Variants in FLVCR1 observed in about 807,000 individuals in gnomAD.
FLVCR1 encodes the protein choline/ethanolamine transporter FLVCR1.
Under a neutral mutation model 53.6 loss-of-function variants are expected in FLVCR1, and 34 were observed. The observed-to-expected ratio is 0.63, with a 90% CI of 0.48 to 0.84. The LOEUF is 0.84. Ranked by LOEUF, FLVCR1 falls within the 40% of genes least tolerant of loss-of-function variation. The pLI, the probability that FLVCR1 is intolerant of heterozygous loss-of-function variation, is 0.00. For synonymous variants in FLVCR1, 300 were observed against 286.3 expected (o/e 1.05, Z -0.48); for missense variants, 677 against 696.7 (o/e 0.97, Z 0.32).
In FLVCR1 at chr1:212,874,526, C is replaced by CTT. The variant is rs61497441; in HGVS notation, c.1024+1727_1024+1728dup. Among the ~76,000 whole-genome samples the CTT allele has an allele frequency of 6.2e-4, 75 of 120,866 alleles. 1 individual carries two copies. Among genetic ancestry groups the CTT allele is most frequent in the African/African-American group, 1.6e-3 (51 of 31,456 alleles). 79.3% of individuals were successfully genotyped at this position (120,866 alleles called of 152,430 possible). On this transcript the variant is annotated intron_variant, in intron 3 of 9. Coordinates refer to ENST00000366971, the MANE Select transcript of FLVCR1 (RefSeq NM_014053.4). ...GCCTGTCATTTAATTTTCTTTTTTT[C>CTT]TTTTTTTTTTTTTTTTTTTTGAGAT... is the stretch of plus-strand genomic sequence containing the variant.
intron 1 of FLVCR1, among the ~76,000 whole-genome samples, chr1:212,861,479 G>A (rs1358955692): frequency 1.3e-5 from 2 of 152,168 alleles, no homozygotes; most frequent in South Asian, 4.1e-4. Context: ...AGTCCAGGTG[G>A]TACACCTGTT....
At chr1:212,871,844 G>A (rs4951644) in intron 2 of FLVCR1, among the ~76,000 whole-genome samples, 66,745 of 151,916 alleles carry the variant, frequency 0.44, 15,712 homozygotes, top group East Asian at 0.54. Context: ...AATGGATAGC[G>A]CTAAAACTTA....
rs757381190 is a variant in FLVCR1 at position 212,859,013 on chromosome 1, T to G, written c.561T>G (p.Gly187=). The change falls in exon 1 of 10, where the codon GGT becomes GGG. Residue 187 remains glycine, a synonymous_variant. Coordinates refer to ENST00000366971, the MANE Select transcript of FLVCR1 (RefSeq NM_014053.4). ...TGGGCTCCGGCCTCAACTGCCTGGG[T>G]GCCTGGATCAAGTGCGGCAGTGTGC... ...ALLGSGLNCL[G]AWIKCGSVQQ... is the part of the protein sequence containing the mutation. 3.1e-6 allele frequency: 5 copies of G among 1,612,480 alleles called. No individual in the cohort carries two copies. In the Admixed American group the frequency reaches 6.7e-5, roughly 22 times the overall value.
chr1:212,887,340 A>G (rs1665087270), intron 5 of FLVCR1, among the ~76,000 whole-genome samples: 1 of 152,234 alleles, frequency 6.6e-6, no homozygotes, highest in Non-Finnish European at 1.5e-5. Context: ...GGTAACTGCC[A>G]TTCATTCACC....
At chr1:212,888,798 C>A (rs186006807) in intron 7 of FLVCR1, among the ~76,000 whole-genome samples, 1 of 152,172 alleles carries the variant, frequency 6.6e-6, no homozygotes, top group Non-Finnish European at 1.5e-5. Flanking sequence ...AATCCTCCCC[C>A]CTCTGCCTCC....
chr1:212,858,923 C>T lies in FLVCR1; in HGVS notation c.471C>T (p.Tyr157=), dbSNP rs1395737912. The T allele has an allele frequency of 6.2e-7, 1 of 1,614,232 alleles. No individual in the cohort carries two copies. Among genetic ancestry groups the T allele is most frequent in the Non-Finnish European group, 8.5e-7 (1 of 1,180,042 alleles). ...DWLSMVYMLA[Y]VPLIFPATWL... ...TGTCCATGGTGTACATGCTGGCCTA[C>T]GTGCCCCTCATCTTCCCGGCCACCT... The change falls in exon 1 of 10, where the codon TAC becomes TAT. Residue 157 remains tyrosine (Y), a synonymous_variant. Transcript: ENST00000366971.
rs374820446 is a variant in FLVCR1 at position 212,858,818 on chromosome 1, C to T, written c.366C>T (p.Ala122=). The T allele has an allele frequency of 2.7e-5, 43 of 1,614,142 alleles. No homozygotes were observed. The African/African-American group carries it at 5.6e-4, about 21-fold the overall frequency. The part of the protein sequence containing the change: ...LIFSLYSLVN[A]FQWIQYSIIS... ...TCAGCCTGTACTCGCTGGTCAACGC[C>T]TTTCAGTGGATCCAGTACAGCATCA... The change falls in exon 1 of 10, where the codon GCC becomes GCT. Residue 122 remains alanine, a synonymous_variant. Transcript: ENST00000366971.
chr1:212,895,436 AATT>A lies in FLVCR1; in HGVS notation c.*153_*155del. The A allele has an allele frequency of 1.5e-6, 1 of 681,498 alleles. No homozygotes were observed. Among genetic ancestry groups the A allele is most frequent in the Non-Finnish European group, 2.7e-6 (1 of 373,044 alleles). 42.2% of individuals were successfully genotyped at this position (681,498 alleles called of 1,614,324 possible). A position where few individuals can be genotyped will look rare whatever the true frequency, so the allele number is the denominator to read the frequency against. ...ATTACCATATGAACTCTAAATGCAT[AATT>A]ATTATTTTGCTTAATTGTTAAATTA... On this transcript the variant is annotated 3_prime_UTR_variant, in exon 10 of 10. Coordinates refer to ENST00000366971, the MANE Select transcript of FLVCR1 (RefSeq NM_014053.4).
chr1:212,890,741 C>T (rs1665171505), intron 8 of FLVCR1, among the ~76,000 whole-genome samples: 1 of 152,192 alleles, frequency 6.6e-6, no homozygotes, highest in Non-Finnish European at 1.5e-5. Flanking sequence ...GTTGGAGAAT[C>T]TATCAGAAGG....
chr1:212,886,846 A>G (rs977816690), intron 5 of FLVCR1, among the ~76,000 whole-genome samples: 1 of 152,140 alleles, frequency 6.6e-6, no homozygotes, highest in Non-Finnish European at 1.5e-5. Flanking sequence ...TGTACATTAT[A>G]TGGAACCACC....
Position 212,858,555 on chromosome 1 carries a change from A to C in FLVCR1, c.103A>C (p.Ser35Arg). Reference sequence around the variant, plus strand: ...GAGGGGCGCGCCCGTTGGGAAGGAGAGCGTGGAGCTGCAGAACGGGCCCAA... The same window carrying C: ...GAGGGGCGCGCCCGTTGGGAAGGAGCGCGTGGAGCTGCAGAACGGGCCCAA... ...LPRGAPVGKE[S>R]VELQNGPKAG... Residue 35 changes from serine to arginine, a missense_variant, in exon 1 of 10, where the codon AGC becomes CGC. Transcript: ENST00000366971. 1 of 1,471,936 alleles carries C rather than the reference A, an allele frequency of 6.8e-7. No individual in the cohort carries two copies. The highest frequency in any genetic ancestry group is 2.5e-5 in the East Asian group (1 of 40,286). The allele number at this position is 1,471,936 out of a possible 1,614,324, so 91.2% of individuals were successfully genotyped here. A position where few individuals can be genotyped will look rare whatever the true frequency, so the allele number is the denominator to read the frequency against.
intron 3 of FLVCR1, among the ~76,000 whole-genome samples, chr1:212,880,048 A>C (rs1664880943): frequency 6.6e-6 from 1 of 151,924 alleles, no homozygotes; most frequent in South Asian, 2.1e-4. Flanking sequence ...TTAGATTCAA[A>C]ATCACCATAG....
intron 2 of FLVCR1, among the ~76,000 whole-genome samples, chr1:212,868,557 G>A (rs1664510578): frequency 6.6e-6 from 1 of 152,114 alleles, no homozygotes; most frequent in African/African-American, 2.4e-5. Context: ...TTACAGGCGT[G>A]CACCACCACA....
At chr1:212,881,941 TA>T (rs1290014330) in intron 3 of FLVCR1, among the ~76,000 whole-genome samples, 14 of 152,278 alleles carry the variant, frequency 9.2e-5, no homozygotes, top group African/African-American at 3.1e-4. Context: ...GCCTTAACAG[TA>T]ATCAAGGAAA....
chr1:212,898,025 A>T lies in FLVCR1; in HGVS notation c.*2735A>T, dbSNP rs899763431. The T allele has an allele frequency of 3.3e-5, 5 of 152,234 alleles. No homozygotes were observed. The highest frequency in any genetic ancestry group is 7.2e-5 in the African/African-American group (3 of 41,456). The allele number at this position is 152,234 out of a possible 1,614,324, so 9.4% of individuals were successfully genotyped here. A position where few individuals can be genotyped will look rare whatever the true frequency, so the allele number is the denominator to read the frequency against. On this transcript the variant is annotated 3_prime_UTR_variant, in exon 10 of 10. Transcript: ENST00000366971. Reference sequence around the variant, plus strand: ...CTAAAGAATTTGACTAAGAATCAGGAACTCTGTGTCCATGTCCTGGATGTA... The same window carrying T: ...CTAAAGAATTTGACTAAGAATCAGGTACTCTGTGTCCATGTCCTGGATGTA...
In FLVCR1 at chr1:212,858,855, T is replaced by A; in HGVS notation, c.403T>A (p.Phe135Ile). The A allele has an allele frequency of 6.2e-7, 1 of 1,614,236 alleles. No homozygotes were observed. The highest frequency in any genetic ancestry group is 8.5e-7 in the Non-Finnish European group (1 of 1,180,038). Residue 135 changes from phenylalanine to isoleucine, a missense_variant, in exon 1 of 10, where the codon TTC becomes ATC. Coordinates refer to ENST00000366971, the MANE Select transcript of FLVCR1 (RefSeq NM_014053.4). Reference sequence around the variant, plus strand: ...CCAGTACAGCATCATTAGCAACGTCTTCGAGGGCTTCTACGGTGTCACCTT... The same window carrying A: ...CCAGTACAGCATCATTAGCAACGTCATCGAGGGCTTCTACGGTGTCACCTT... ...WIQYSIISNV[F>I]EGFYGVTLLH...
chr1:212,873,327 A>G (rs1664661359), intron 3 of FLVCR1, among the ~76,000 whole-genome samples: 1 of 149,316 alleles, frequency 6.7e-6, no homozygotes, highest in African/African-American at 2.4e-5. Flanking sequence ...AAAATAAAAG[A>G]AAGAAAAGAA....
intron 8 of FLVCR1, among the ~76,000 whole-genome samples, chr1:212,893,846 G>T (rs1374980017): frequency 6.6e-6 from 1 of 152,150 alleles, no homozygotes; most frequent in Non-Finnish European, 1.5e-5. Context: ...CGCCATCTGG[G>T]CTCACTGCAA....
At chr1:212,880,810 A>AT (rs1422023947) in intron 3 of FLVCR1, among the ~76,000 whole-genome samples, 154 of 151,862 alleles carry the variant, frequency 1.0e-3, no homozygotes, top group Non-Finnish European at 1.4e-3. Flanking sequence ...AAAAAAAAAA[A>AT]AAAGAAGTCC....
Sources: gnomAD v4.1 joint callset for allele counts (sites outside exome capture counted in the v4.1 genomes callset) on GRCh38, gnomAD v4.1.1 for gene constraint, MANE v1.5 for transcripts, NCBI Gene and HGNC (gene_info 2026-07-23, HGNC 2026-07-21) for gene names.